LRRC37A2: variants seen among roughly 807,000 people sequenced by gnomAD.
LRRC37A2 encodes leucine-rich repeat-containing protein 37A2.
A neutral mutation model predicts 68.8 loss-of-function variants in LRRC37A2; 9 were observed. That is an observed-to-expected ratio of 0.13 (90% CI 0.08 to 0.23). The LOEUF (loss-of-function observed/expected upper bound fraction) is 0.23, where lower values mean the gene tolerates loss of function less well. LRRC37A2 is among the 10% of genes least tolerant of loss of function. The pLI is 1.00. For missense variants in LRRC37A2, 168 were observed against 950.4 expected (o/e 0.18, Z 10.82); for synonymous variants, 63 against 367.6 (o/e 0.17, Z 9.48).
At chr17:46,988,051 A>G in the LRRC37A2 span, among the ~76,000 whole-genome samples, 1 of 152,212 alleles carries the variant, frequency 6.6e-6, no homozygotes, top group Non-Finnish European at 1.5e-5. Context: ...ACACGCCTAT[A>G]GTCCCAGCTA....
the LRRC37A2 span, among the ~76,000 whole-genome samples, chr17:46,956,655 C>A: frequency 0.085 from 12,918 of 152,202 alleles, 647 homozygotes; most frequent in Non-Finnish European, 0.11. Context: ...AATGATGAAT[C>A]CCTTCGTTAG....
the LRRC37A2 span, among the ~76,000 whole-genome samples, chr17:46,742,503 A>T: frequency 6.6e-6 from 1 of 152,240 alleles, no homozygotes; most frequent in Non-Finnish European, 1.5e-5. Flanking sequence ...AGCAAGAAAT[A>T]CAGTAAATAT....
At chr17:46,821,687 C>G in the LRRC37A2 span, among the ~76,000 whole-genome samples, 1 of 152,184 alleles carries the variant, frequency 6.6e-6, no homozygotes, top group African/African-American at 2.4e-5. Context: ...TGGGGTGGCA[C>G]GTGGGAAGCA....
the LRRC37A2 span, among the ~76,000 whole-genome samples, chr17:46,829,585 G>A: frequency 2.0e-5 from 3 of 152,166 alleles, no homozygotes; most frequent in African/African-American, 7.2e-5. Context: ...AGTGTGTTTC[G>A]GGGATGGAGG....
chr17:46,795,903 C>T, the LRRC37A2 span, among the ~76,000 whole-genome samples: 5 of 152,160 alleles, frequency 3.3e-5, no homozygotes, highest in Admixed American at 1.3e-4. Context: ...CATGCATGCA[C>T]GCACACACAC....
chr17:47,044,980 C>T, the LRRC37A2 span, among the ~76,000 whole-genome samples: 1 of 151,084 alleles, frequency 6.6e-6, no homozygotes, highest in Non-Finnish European at 1.5e-5. Context: ...CCACTGCACT[C>T]AGCCTGTATA....
At chr17:46,487,147 A>G in the LRRC37A2 span, 40 of 722,264 alleles carry the variant, frequency 5.5e-5, 8 homozygotes, top group East Asian at 1.1e-3. Flanking sequence ...ACCAGTGAGT[A>G]TGCCCATTGA....
At chr17:46,945,019 G>A in the LRRC37A2 span, among the ~76,000 whole-genome samples, 14 of 152,310 alleles carry the variant, frequency 9.2e-5, no homozygotes, top group Middle Eastern at 3.4e-3. Context: ...GGATCTACTC[G>A]TGAAACAACC....
intron 11 of LRRC37A2, among the ~76,000 whole-genome samples, chr17:46,552,914 G>A (rs1166174263): frequency 2.1e-5 from 3 of 145,680 alleles, no homozygotes; most frequent in African/African-American, 8.1e-5. Context: ...AAATAGCCAG[G>A]TGTGGTAGTA....
the LRRC37A2 span, among the ~76,000 whole-genome samples, chr17:46,835,491 A>G: frequency 3.3e-5 from 5 of 152,188 alleles, no homozygotes; most frequent in Admixed American, 1.3e-4. Context: ...GATTACAGGC[A>G]TGAGCCACCA....
the LRRC37A2 span, among the ~76,000 whole-genome samples, chr17:46,900,343 C>T: frequency 1.3e-5 from 2 of 151,496 alleles, no homozygotes; most frequent in African/African-American, 4.9e-5. Flanking sequence ...CTCTGCCTCC[C>T]GGGTTCAAGA....
At chr17:46,899,001 G>A in the LRRC37A2 span, among the ~76,000 whole-genome samples, 2 of 152,064 alleles carry the variant, frequency 1.3e-5, no homozygotes, top group African/African-American at 4.8e-5. Flanking sequence ...AGGAAAAGGT[G>A]GAAACAACCC....
chr17:46,901,868 G>A, the LRRC37A2 span, among the ~76,000 whole-genome samples: 1 of 146,056 alleles, frequency 6.8e-6, no homozygotes, highest in Non-Finnish European at 1.5e-5. Flanking sequence ...GCGCAATGGC[G>A]CAATCTCGGC....
the LRRC37A2 span, chr17:46,722,035 A>G: frequency 6.2e-7 from 1 of 1,607,868 alleles, no homozygotes; most frequent in Non-Finnish European, 8.5e-7. Flanking sequence ...CTGCCGTAAT[A>G]TTCAGCTCCC....
the LRRC37A2 span, among the ~76,000 whole-genome samples, chr17:46,950,122 T>C: frequency 5.3e-5 from 8 of 152,236 alleles, no homozygotes; most frequent in Non-Finnish European, 1.2e-4. Flanking sequence ...TCATAGGAAC[T>C]TGAGATTCTC....
At chr17:46,910,918 C>T in the LRRC37A2 span, among the ~76,000 whole-genome samples, 25 of 152,264 alleles carry the variant, frequency 1.6e-4, no homozygotes, top group East Asian at 5.8e-4. Flanking sequence ...GGGGAAGGCA[C>T]GATTCCAAGC....
chr17:46,987,685 A>G, the LRRC37A2 span, among the ~76,000 whole-genome samples: 1 of 152,180 alleles, frequency 6.6e-6, no homozygotes, highest in South Asian at 2.1e-4. Flanking sequence ...ATGCATGTTT[A>G]TAGCAGCACT....
chr17:46,784,920 C>T, the LRRC37A2 span, among the ~76,000 whole-genome samples: 1 of 152,070 alleles, frequency 6.6e-6, no homozygotes. Flanking sequence ...GGACTACAGG[C>T]ACCCGCCACC....
chr17:46,770,126 G>T, the LRRC37A2 span: 1 of 1,459,114 alleles, frequency 6.9e-7, no homozygotes, highest in South Asian at 1.4e-5. Context: ...CCCAGGCCAG[G>T]ACGTGAGGGG....
Sources: allele counts gnomAD v4.1 joint callset (sites outside exome capture counted in the v4.1 genomes callset), GRCh38; gene constraint gnomAD v4.1.1; transcripts MANE v1.5; gene names NCBI Gene and HGNC (gene_info 2026-07-23, HGNC 2026-07-21).